The following CAD variants were observed in gnomAD, a reference collection of about 807,000 sequenced individuals.
CAD encodes carbamoyl-phosphate synthetase 2, aspartate transcarbamylase, and dihydroorotase, also known as multifunctional protein CAD.
A neutral mutation model predicts 237.2 loss-of-function variants in CAD; 81 were observed. The observed-to-expected ratio is 0.34, with a 90% CI of 0.29 to 0.41. The LOEUF is 0.41. Among genes scored for constraint, CAD ranks in the 10% least tolerant of loss-of-function variants. The probability of loss-of-function intolerance (pLI) is 1.00; values close to 1 mark genes in which losing one functional copy is unlikely to be tolerated. For synonymous variants in CAD, 1,196 were observed against 1,162.8 expected, an observed-to-expected ratio of 1.03 and a Z score of -0.58; for missense variants, 2,181 against 2,951.7, an observed-to-expected ratio of 0.74 and a Z score of 6.05.
chr2:27,223,834 T>C (rs1675299383), intron 7 of CAD, 83 bp from the exon 8 acceptor site: 1 of 1,548,624 alleles, frequency 6.5e-7, no homozygotes, highest in Non-Finnish European at 8.9e-7. Context: ...TGGATCCGAG[T>C]CCCCTGTCCC....
At position 27,242,467 on chromosome 2, in the gene CAD, G is replaced by T; in HGVS notation, c.6222+40G>T. ...AGGGTTTGGATCCCTGCCAGGGGAC[G>T]ATCTAGAGAGGGAGGCAGGAAGTGG... is the stretch of plus-strand genomic sequence containing the variant. On this transcript the variant is annotated intron_variant, in intron 40 of 43. Coordinates refer to ENST00000264705, the MANE Select transcript of CAD (RefSeq NM_004341.5). The surrounding 1 kb of genome is among the most constrained non-coding windows in gnomAD (Gnocchi z 6.4). 1 of 1,600,786 alleles carries T rather than the reference G, an allele frequency of 6.2e-7. No homozygotes were observed. Among genetic ancestry groups the T allele is most frequent in the Non-Finnish European group, 8.5e-7 (1 of 1,171,176 alleles).
chr2:27,224,174 G>T, intron 8 of CAD, 145 bp downstream of exon 8: 1 of 906,650 alleles, frequency 1.1e-6, no homozygotes, highest in Admixed American at 2.4e-5. Flanking sequence ...CCAAGATACC[G>T]TTTAAGCTTC....
intron 8 of CAD, 32 bp from the exon 9 acceptor site, chr2:27,224,313 C>T: frequency 3.1e-6 from 5 of 1,613,530 alleles, no homozygotes; most frequent in Non-Finnish European, 4.2e-6. Flanking sequence ...CAGCTCAGCT[C>T]TAACATTCTA....
rs2148080342 is a variant in CAD, at chr2:27,234,617, CG to C, written c.3721del (p.Val1241SerfsTer12). 6.2e-7 allele frequency: 1 copy of C among 1,613,992 alleles called. No homozygotes were observed. ...TGTGGACCTAGTAGCCTTGGCCACG[CG>C]GGTCATCATGGGGGAAGAAGTGGAA... ...LGVDLVALAT[R>X]VIMGEEVEPV... On this transcript the variant is annotated frameshift_variant, in exon 23 of 44. Transcript: ENST00000264705. LOFTEE classifies it high-confidence loss of function.
In CAD at chr2:27,241,868, G is replaced by C; in HGVS notation, c.5884-43G>C. On this transcript the variant is annotated intron_variant, in intron 38 of 43. Coordinates refer to ENST00000264705, the MANE Select transcript of CAD (RefSeq NM_004341.5). This position sits in a 1 kb window ranked among gnomAD's most constrained non-coding sequence, Gnocchi z 4.6. ...GGTGCCTAGCTGGGGTTTCCCCAGGGTGGACACGCATACGTACACCTTCCA... is the reference window on the plus strand; with the variant it reads ...GGTGCCTAGCTGGGGTTTCCCCAGGCTGGACACGCATACGTACACCTTCCA... 3 of 1,539,530 alleles carry C rather than the reference G, an allele frequency of 1.9e-6. No homozygotes were observed. The highest frequency in any genetic ancestry group is 2.7e-6 in the Non-Finnish European group (3 of 1,116,940).
chr2:27,234,892 A>G (rs543048908), intron 23 of CAD, among the ~76,000 whole-genome samples: 1 of 152,338 alleles, frequency 6.6e-6, no homozygotes, highest in African/African-American at 2.4e-5. Context: ...GCTTTGGTAT[A>G]GAACAGTCCG....
Position 27,232,500 on chromosome 2 carries a change from G to A in CAD, c.2698G>A (p.Val900Met), listed in dbSNP as rs1374301842. ...LRQELGICPA[V>M]KQIDTVAAEW... ...TCAGGAACTGGGGATCTGTCCAGCA[G>A]TGAAACAGATTGACACAGTTGCAGC... is the stretch of plus-strand genomic sequence containing the variant. The change falls in exon 18 of 44, where the codon GTG becomes ATG. Residue 900 changes from valine to methionine, a missense_variant. Coordinates refer to ENST00000264705, the MANE Select transcript of CAD (RefSeq NM_004341.5). The surrounding 1 kb of genome is among the most constrained non-coding windows in gnomAD (Gnocchi z 4.1). 2 of 1,614,256 alleles carry A rather than the reference G, an allele frequency of 1.2e-6. No individual in the cohort carries two copies. The highest frequency in any genetic ancestry group is 1.7e-6 in the Non-Finnish European group (2 of 1,180,046).
intron 2 of CAD, among the ~76,000 whole-genome samples, chr2:27,219,562 ATGTT>A (rs1251750896): frequency 6.6e-6 from 1 of 151,602 alleles, no homozygotes; most frequent in Non-Finnish European, 1.5e-5. Context: ...CCAGGCTTGT[ATGTT>A]ATCTTTTTTT....
rs1271367806 is a variant in CAD, at chr2:27,241,834, T to A, written c.5884-77T>A. The A allele has an allele frequency of 5.1e-6, 6 of 1,166,578 alleles. No homozygotes were observed. In the African/African-American group the frequency reaches 9.0e-5, roughly 18 times the overall value. The allele number at this position is 1,166,578 out of a possible 1,614,324, so 72.3% of individuals were successfully genotyped here. A position where few individuals can be genotyped will look rare whatever the true frequency, so the allele number is the denominator to read the frequency against. On this transcript the variant is annotated intron_variant, in intron 38 of 43. Transcript: ENST00000264705. This position sits in a 1 kb window ranked among gnomAD's most constrained non-coding sequence, Gnocchi z 4.6. ...CTCACAGCACCCCTCAAGTGTCAGT[T>A]GGGGTGGTGGTGCCTAGCTGGGGTT...
intron 2 of CAD, among the ~76,000 whole-genome samples, chr2:27,220,745 C>CA (rs990400385): frequency 1.7e-4 from 26 of 151,580 alleles, no homozygotes; most frequent in African/African-American, 5.8e-4. Context: ...ATCACAAGGT[C>CA]AGGAGATCTG....
intron 6 of CAD, 89 bp downstream of exon 6, chr2:27,223,126 G>T: frequency 7.1e-7 from 1 of 1,407,526 alleles, no homozygotes; most frequent in Non-Finnish European, 9.9e-7. Flanking sequence ...GTGTTTATTC[G>T]TGTTGAAATA....
At position 27,221,347 on chromosome 2, in the gene CAD, G is replaced by A. The variant is rs775632961; in HGVS notation, c.352G>A (p.Gly118Arg). 1.3e-6 allele frequency: 2 copies of A among 1,565,278 alleles called. No individual in the cohort carries two copies. Among genetic ancestry groups the A allele is most frequent in the Non-Finnish European group, 1.7e-6 (2 of 1,157,562 alleles). Residue 118 changes from glycine (G) to arginine (R), a missense_variant and splice_region_variant, in exon 3 of 44, where the codon GGA becomes AGA. Physicochemically the swap from Gly to Arg is moderately radical, Grantham distance 125 (BLOSUM62 -2). Coordinates refer to ENST00000264705, the MANE Select transcript of CAD (RefSeq NM_004341.5). ...GCAGCATGGCATCCCTGGCTTGCAAGGTATGGTGGCAAGCAGGGGCATATT... is the reference window on the plus strand; with the variant it reads ...GCAGCATGGCATCCCTGGCTTGCAAAGTATGGTGGCAAGCAGGGGCATATT... ...LQQHGIPGLQ[G>R]VDTRELTKKL... is the part of the protein sequence containing the mutation.
At chr2:27,220,213 A>G (rs917555765) in intron 2 of CAD, among the ~76,000 whole-genome samples, 1 of 152,210 alleles carries the variant, frequency 6.6e-6, no homozygotes, top group African/African-American at 2.4e-5. Context: ...TGACAAAGAC[A>G]CAAATACATA....
Position 27,242,607 on chromosome 2 carries a change from A to G in CAD, c.6223-13A>G, listed in dbSNP as rs754811214. ...AGTCTGGGATCCCTGTGGTGACTGG[A>G]TTCCTCTCCTAGATCACGATGGTGG... On this transcript the variant is annotated splice_polypyrimidine_tract_variant and intron_variant, in intron 40 of 43. Transcript: ENST00000264705. This position sits in a 1 kb window ranked among gnomAD's most constrained non-coding sequence, Gnocchi z 6.4. 6 of 1,582,766 alleles carry G rather than the reference A, an allele frequency of 3.8e-6. No homozygotes were observed. Among genetic ancestry groups the G allele is most frequent in the African/African-American group, 1.3e-5 (1 of 74,528 alleles).
At chr2:27,229,161 G>T (rs1345977507) in intron 15 of CAD, among the ~76,000 whole-genome samples, 3 of 149,978 alleles carry the variant, frequency 2.0e-5, no homozygotes, top group African/African-American at 7.4e-5. Context: ...CTCGTGATCC[G>T]CCTGCCTCGG....
Position 27,218,020 on chromosome 2 carries a change from G to A in CAD, c.222+4G>A, listed in dbSNP as rs767733355. The A allele has an allele frequency of 1.3e-5, 20 of 1,590,366 alleles. No individual in the cohort carries two copies. The highest frequency in any genetic ancestry group is 1.7e-5 in the Non-Finnish European group (20 of 1,170,300). ...GGATGAGTTCGGTCTCTGCAAGGTA[G>A]CCACACCCAGTGCTTTCTCTACATT... On this transcript the variant is annotated splice_donor_region_variant and intron_variant, in intron 2 of 43. Transcript: ENST00000264705.
Position 27,241,230 on chromosome 2 carries a change from G to A in CAD, c.5808+3G>A. ...TCCAGCAGTTCACCAAGGATCAGGT[G>A]CCTGGGGCAGGGAGGATGGGACCAC... On this transcript the variant is annotated splice_donor_region_variant and intron_variant, in intron 37 of 43. Coordinates refer to ENST00000264705, the MANE Select transcript of CAD (RefSeq NM_004341.5). The surrounding 1 kb of genome is among the most constrained non-coding windows in gnomAD (Gnocchi z 4.6). 1 of 1,612,256 alleles carries A rather than the reference G, an allele frequency of 6.2e-7. No homozygotes were observed. The highest frequency in any genetic ancestry group is 8.5e-7 in the Non-Finnish European group (1 of 1,179,034).
rs757808913 is a variant in CAD, at chr2:27,239,464, A to G, written c.5387A>G (p.Asp1796Gly). The G allele has an allele frequency of 1.2e-6, 2 of 1,613,468 alleles. No homozygotes were observed. The highest frequency in any genetic ancestry group is 1.7e-6 in the Non-Finnish European group (2 of 1,179,846). ...CTGCGAGGGGAGGTTGCCTATATCG[A>G]TGGGCAGGTACGCAAGTAGCCCCTG... ...VVLRGEVAYIDGQVLVPPGYG... is the reference protein window; with the variant it reads ...VVLRGEVAYIGGQVLVPPGYG... Residue 1796 changes from aspartate (D) to glycine (G), a missense_variant, in exon 33 of 44, where the codon GAT (aspartate) becomes GGT (glycine). Around this residue, in one of 12 missense-constraint regions of CAD, gnomAD observed 478 missense variants for 515.0 expected, o/e 0.93. Transcript: ENST00000264705. The surrounding 1 kb of genome is among the most constrained non-coding windows in gnomAD (Gnocchi z 4.0).
In CAD at chr2:27,232,697, C is replaced by CA; in HGVS notation, c.2892+4dup. Reference sequence around the variant, plus strand: ...GCTGCATCCAGCAGCTCCGAAAGGTCAGAGAGTTCATTTTCTTTCCACTTT... The same window carrying CA: ...GCTGCATCCAGCAGCTCCGAAAGGTCAAGAGAGTTCATTTTCTTTCCACTTT... On this transcript the variant is annotated splice_donor_region_variant and intron_variant, in intron 18 of 43. Transcript: ENST00000264705. This position sits in a 1 kb window ranked among gnomAD's most constrained non-coding sequence, Gnocchi z 4.1. 1 of 1,614,110 alleles carries CA rather than the reference C, an allele frequency of 6.2e-7. No homozygotes were observed. Among genetic ancestry groups the CA allele is most frequent in the Non-Finnish European group, 8.5e-7 (1 of 1,180,004 alleles).
Sources: gnomAD v4.1 joint callset for allele counts (sites outside exome capture counted in the v4.1 genomes callset) on GRCh38, gnomAD v4.1.1 for gene constraint, gnomAD v4.1.1 regional missense constraint, Gnocchi (gnomAD v3.1) non-coding constraint, MANE v1.5 for transcripts, NCBI Gene and HGNC (gene_info 2026-07-23, HGNC 2026-07-21) for gene names.